The following RBM20 variants were observed in gnomAD, a reference collection of about 807,000 sequenced individuals.
RBM20 encodes the protein RNA binding motif protein 20, also known as RNA-binding protein 20.
RBM20 carries 51 observed loss-of-function variants against 110.1 expected under a neutral mutation model. The observed-to-expected ratio is 0.46, with a 90% CI of 0.37 to 0.59. The LOEUF (loss-of-function observed/expected upper bound fraction) is 0.59, where lower values mean the gene tolerates loss of function less well. RBM20 is among the 20% of genes least tolerant of loss of function. RBM20 has a pLI of 0.00. For synonymous variants in RBM20, 589 were observed against 618.2 expected (o/e 0.95, Z 0.70); for missense variants, 1,512 against 1,574.9 (o/e 0.96, Z 0.68).
intron 1 of RBM20, among the ~76,000 whole-genome samples, chr10:110,661,786 GA>G (rs1441090996): frequency 1.3e-5 from 2 of 152,086 alleles, no homozygotes; most frequent in African/African-American, 2.4e-5. Flanking sequence ...GAGGTGGGTG[GA>G]TCACCTGAGG....
chr10:110,643,314 C>G (rs759185140), upstream of RBM20, among the ~76,000 whole-genome samples: 4 of 145,736 alleles, frequency 2.7e-5, no homozygotes, highest in Non-Finnish European at 5.9e-5. Flanking sequence ...TTCTCTGCTC[C>G]GTAGACATTT....
intron 1 of RBM20, among the ~76,000 whole-genome samples, chr10:110,677,598 G>A (rs766132805): frequency 7.2e-5 from 11 of 152,222 alleles, no homozygotes; most frequent in Admixed American, 1.3e-4. Context: ...GATTACAGGC[G>A]TGAGCCACCG....
At chr10:110,688,155 A>C in intron 1 of RBM20, among the ~76,000 whole-genome samples, 1 of 152,220 alleles carries the variant, frequency 6.6e-6, no homozygotes, top group East Asian at 1.9e-4. Flanking sequence ...CTAATAATCC[A>C]GTCCACAATT....
chr10:110,765,717 C>T (rs1844070605), intron 1 of RBM20, among the ~76,000 whole-genome samples: 1 of 152,072 alleles, frequency 6.6e-6, no homozygotes, highest in Non-Finnish European at 1.5e-5. Context: ...TGTGTAAAAG[C>T]AAATCCATAC....
chr10:110,698,607 G>T (rs1373171790), intron 1 of RBM20, among the ~76,000 whole-genome samples: 1 of 152,202 alleles, frequency 6.6e-6, no homozygotes, highest in Non-Finnish European at 1.5e-5. Flanking sequence ...CCTTGGGGTG[G>T]CAGGTTCATT....
At chr10:110,690,143 C>G (rs1288064283) in intron 1 of RBM20, among the ~76,000 whole-genome samples, 1 of 152,150 alleles carries the variant, frequency 6.6e-6, no homozygotes, top group Non-Finnish European at 1.5e-5. Flanking sequence ...TGGTGGCACA[C>G]ACCTGTAATC....
rs1287430954 is a variant in RBM20, at chr10:110,690,067, CT to C, written c.191+45429del. On this transcript the variant is annotated intron_variant, in intron 1 of 13. Transcript: ENST00000369519. ...GTGATTTAAAATAAACAACTATGGC[CT>C]TTTTTTATTGTGGTTAAATAGATAC... 6.6e-5 allele frequency among the ~76,000 whole-genome samples: 10 copies of C among 152,182 alleles called. No homozygotes were observed. In the South Asian group the frequency reaches 1.2e-3, roughly 19 times the overall value.
In RBM20 at chr10:110,797,582, C is replaced by G; in HGVS notation, c.1602C>G (p.Asp534Glu). The change falls in exon 6 of 14, where the codon GAC (aspartate) becomes GAG (glutamate). Residue 534 changes from aspartate (D) to glutamate (E), a missense_variant. Around this residue, in one of 3 missense-constraint regions of RBM20, gnomAD observed 1,149 missense variants for 1,169.4 expected, o/e 0.98. Transcript: ENST00000369519. ...CTGAAGGAAGCTGCACTGAGAATGA[C>G]GTCATTAACCTGGGGCTGCCCTTTG... ...NLPEGSCTEN[D>E]VINLGLPFGK... The G allele has an allele frequency of 6.4e-7, 1 of 1,551,646 alleles. No individual in the cohort carries two copies. Among genetic ancestry groups the G allele is most frequent in the East Asian group, 2.4e-5 (1 of 40,916 alleles).
At chr10:110,655,617 G>A (rs577508785) in intron 1 of RBM20, among the ~76,000 whole-genome samples, 1 of 152,168 alleles carries the variant, frequency 6.6e-6, no homozygotes, top group African/African-American at 2.4e-5. Flanking sequence ...AGGAATTCCT[G>A]ACTTGAAACA....
intron 1 of RBM20, among the ~76,000 whole-genome samples, chr10:110,712,743 G>C (rs1348721513): frequency 2.0e-5 from 3 of 152,080 alleles, no homozygotes; most frequent in Non-Finnish European, 4.4e-5. Context: ...CTCCAGCCTG[G>C]GTGTCAGAAC....
intron 1 of RBM20, among the ~76,000 whole-genome samples, chr10:110,691,951 A>G (rs995345871): frequency 2.0e-5 from 3 of 152,040 alleles, no homozygotes; most frequent in Non-Finnish European, 4.4e-5. Context: ...TCCTTTTTGC[A>G]TATTGTGTAA....
At chr10:110,673,902 G>A (rs1191984703) in intron 1 of RBM20, among the ~76,000 whole-genome samples, 2 of 152,176 alleles carry the variant, frequency 1.3e-5, no homozygotes, top group African/African-American at 4.8e-5. Flanking sequence ...ACTGTGGGTG[G>A]CATAGCTTTT....
chr10:110,667,953 G>A (rs548589493), intron 1 of RBM20, among the ~76,000 whole-genome samples: 1 of 152,216 alleles, frequency 6.6e-6, no homozygotes, highest in Admixed American at 6.5e-5. Flanking sequence ...CGAACTGTCC[G>A]GATTTAACTG....
At chr10:110,706,386 C>T (rs1258028240) in intron 1 of RBM20, among the ~76,000 whole-genome samples, 3 of 152,236 alleles carry the variant, frequency 2.0e-5, no homozygotes, top group African/African-American at 7.2e-5. Flanking sequence ...CTGGAATGGG[C>T]AATATCTGTG....
intron 2 of RBM20, among the ~76,000 whole-genome samples, chr10:110,783,158 G>T (rs984007976): frequency 1.3e-5 from 2 of 152,138 alleles, no homozygotes; most frequent in Admixed American, 1.3e-4. Context: ...TATGGATGAG[G>T]AGCTGATGGA....
intron 8 of RBM20, among the ~76,000 whole-genome samples, 178 bp downstream of exon 8, chr10:110,810,640 G>T (rs965687606): frequency 2.0e-5 from 3 of 152,196 alleles, no homozygotes; most frequent in African/African-American, 7.2e-5. Context: ...GTCCAGTTCA[G>T]ACATGCTGCT....
At chr10:110,825,047 T>C (rs1360272157) in intron 12 of RBM20, among the ~76,000 whole-genome samples, 3 of 150,810 alleles carry the variant, frequency 2.0e-5, no homozygotes, top group Non-Finnish European at 3.0e-5. Context: ...CAAACTTCCT[T>C]TTTTTTTTAA....
At chr10:110,686,179 G>T (rs114449580) in intron 1 of RBM20, among the ~76,000 whole-genome samples, 2 of 152,124 alleles carry the variant, frequency 1.3e-5, no homozygotes, top group African/African-American at 4.8e-5. Flanking sequence ...TGACAATGTC[G>T]TCATGACTCT....
chr10:110,667,481 G>C (rs951046192), intron 1 of RBM20, among the ~76,000 whole-genome samples: 5 of 152,164 alleles, frequency 3.3e-5, no homozygotes, highest in Non-Finnish European at 7.3e-5. Context: ...CTGCCTCGGT[G>C]GGTGAATGAA....
Sources: allele counts gnomAD v4.1 joint callset (sites outside exome capture counted in the v4.1 genomes callset), GRCh38; gene constraint gnomAD v4.1.1; regional missense constraint gnomAD v4.1.1; transcripts MANE v1.5; gene names NCBI Gene and HGNC (gene_info 2026-07-23, HGNC 2026-07-21).